C3: variants seen among roughly 807,000 people sequenced by gnomAD.
The protein encoded by C3 is complement C3, also known as C3 and PZP-like alpha-2-macroglobulin domain-containing protein 1.
A neutral mutation model predicts 207.9 loss-of-function variants in C3; 97 were observed. The ratio of observed to expected loss-of-function variants is 0.47; its 90% CI spans 0.40 to 0.55. C3 has a LOEUF of 0.55. C3 is among the 20% of genes least tolerant of loss of function. The pLI, the probability that C3 is intolerant of heterozygous loss-of-function variation, is 0.00. For synonymous variants in C3, 848 were observed against 857.6 expected, an observed-to-expected ratio of 0.99 and a Z score of 0.20; for missense variants, 1,684 against 2,171.7, an observed-to-expected ratio of 0.78 and a Z score of 4.46.
chr19:6,680,423 C>T (rs1311556707), intron 35 of C3, among the ~76,000 whole-genome samples, 160 bp from the exon 36 acceptor site: 1 of 152,200 alleles, frequency 6.6e-6, no homozygotes, highest in East Asian at 1.9e-4. Flanking sequence ...TTCCTAGACT[C>T]ACAGTGAGAC....
chr19:6,679,167 C>T lies in C3; in HGVS notation c.4588G>A (p.Glu1530Lys). 6.2e-7 allele frequency: 1 copy of T among 1,614,220 alleles called. No homozygotes were observed. The highest frequency in any genetic ancestry group is 1.6e-4 in the Middle Eastern group (1 of 6,062). ...TCACAGGCCTTGTCCAGCCGTTCTTCCAGGGTGACCTTGTCATCCGACTTT... is the reference window on the plus strand; with the variant it reads ...TCACAGGCCTTGTCCAGCCGTTCTTTCAGGGTGACCTTGTCATCCGACTTT... ...IQKSDDKVTLEERLDKACEPG... is the reference protein window; with the variant it reads ...IQKSDDKVTLKERLDKACEPG... Residue 1530 changes from glutamate (E) to lysine (K), a missense_variant, in exon 38 of 41, where the codon GAA becomes AAA. Physicochemically the swap from Glu to Lys is moderately conservative, Grantham distance 56. Transcript: ENST00000245907.
At chr19:6,682,433 G>A (rs1479683780) in intron 33 of C3, 1 of 577,098 alleles carries the variant, frequency 1.7e-6, no homozygotes, top group Non-Finnish European at 3.1e-6. Context: ...TAAGAGCTCA[G>A]ACTCTGCACC....
rs747043466 is a variant in C3, at chr19:6,685,003, G to T, written c.3954C>A (p.Leu1318=). ...GTGACTGTACCTCTTCTGATCGCAGGAGGCTGGCAGATTCCCAGTGGATAC... is the reference window on the plus strand; with the variant it reads ...GTGACTGTACCTCTTCTGATCGCAGTAGGCTGGCAGATTCCCAGTGGATAC... The part of the protein sequence containing the change: ...THRIHWESAS[L]LRSEETKENE... The change falls in exon 30 of 41, where the codon CTC becomes CTA. Residue 1318 remains leucine (L), a synonymous_variant. Transcript: ENST00000245907. The T allele has an allele frequency of 1.9e-6, 3 of 1,613,836 alleles. No homozygotes were observed. The East Asian group carries it at 6.7e-5, about 36-fold the overall frequency.
intron 17 of C3, 21 bp from the exon 18 acceptor site, chr19:6,702,600 C>A (rs767770126): frequency 1.3e-6 from 2 of 1,527,734 alleles, no homozygotes; most frequent in Non-Finnish European, 1.8e-6. Flanking sequence ...TTTAGATCTG[C>A]ATTTAGAACA....
At chr19:6,700,544 GTAATATATA>G (rs1967639461) in intron 19 of C3, among the ~76,000 whole-genome samples, 1 of 33,196 alleles carries the variant, frequency 3.0e-5, no homozygotes. Context: ...TATTATATAT[GTAATATATA>G]ATATATGTAA....
chr19:6,692,236 G>A (rs1918187517), intron 26 of C3, among the ~76,000 whole-genome samples: 1 of 152,230 alleles, frequency 6.6e-6, no homozygotes, highest in Admixed American at 6.5e-5. Flanking sequence ...CCAAAGCGCT[G>A]GGATTACAGG....
At chr19:6,707,337 G>C (rs1967803116) in intron 16 of C3, 64 bp from the exon 17 acceptor site, 1 of 1,598,922 alleles carries the variant, frequency 6.3e-7, no homozygotes, top group Admixed American at 1.7e-5. Flanking sequence ...GGAGGGACGC[G>C]GGACGGACCC....
intron 26 of C3, among the ~76,000 whole-genome samples, chr19:6,692,030 ACACACT>A: frequency 6.8e-6 from 1 of 147,464 alleles, no homozygotes; most frequent in Non-Finnish European, 1.5e-5. Context: ...ACACACACAC[ACACACT>A]CACACCCCTC....
chr19:6,689,328 C>CCTATCTCTCTCTCTCTCTCTCTCTCTCT (rs1918098314), intron 27 of C3, among the ~76,000 whole-genome samples: 2 of 53,268 alleles, frequency 3.8e-5, no homozygotes, highest in African/African-American at 2.0e-4. Context: ...TCTCTACCTA[C>CCTATCTCTCTCTCTCTCTCTCTCTCTCT]CTCCCTCCCT....
chr19:6,701,026 A>G (rs1482016226), intron 19 of C3, among the ~76,000 whole-genome samples: 4 of 151,954 alleles, frequency 2.6e-5, no homozygotes, highest in African/African-American at 4.8e-5. Flanking sequence ...GGAAATGAGC[A>G]GGCAGGGGAG....
At chr19:6,686,438 T>G in intron 28 of C3, 151 bp from the exon 29 acceptor site, 1 of 820,576 alleles carries the variant, frequency 1.2e-6, no homozygotes, top group Non-Finnish European at 2.1e-6. Context: ...GGCTCCTGCC[T>G]TACCTCTCTT....
rs777404805 is a variant in C3 at position 6,686,251 on chromosome 19, T to C, written c.3683A>G (p.Tyr1228Cys). ...NRWEDPGKQL[Y>C]NVEATSYALL... ...GGCATAGGATGTGGCCTCCACGTTG[T>C]AGAGCTGCTTACCAGGGTCCTCCCA... Residue 1228 changes from tyrosine to cysteine, a missense_variant, in exon 29 of 41, where the codon TAC becomes TGC. Transcript: ENST00000245907. 6.2e-7 allele frequency: 1 copy of C among 1,614,180 alleles called. No individual in the cohort carries two copies. The highest frequency in any genetic ancestry group is 8.5e-7 in the Non-Finnish European group (1 of 1,180,052).
chr19:6,681,185 GT>G (rs943096835), intron 35 of C3, among the ~76,000 whole-genome samples: 2 of 151,316 alleles, frequency 1.3e-5, no homozygotes, highest in South Asian at 2.1e-4. Flanking sequence ...GAGCTCAGGA[GT>G]TTAAGACCAG....
intron 23 of C3, among the ~76,000 whole-genome samples, chr19:6,695,570 C>G (rs1399160359): frequency 1.3e-5 from 2 of 152,052 alleles, no homozygotes; most frequent in Non-Finnish European, 2.9e-5. Flanking sequence ...ACCTACGCCT[C>G]CCACGTTCAA....
chr19:6,693,609 A>G, intron 24 of C3, 122 bp from the exon 25 acceptor site: 1 of 807,432 alleles, frequency 1.2e-6, no homozygotes, highest in Non-Finnish European at 2.1e-6. Flanking sequence ...GGGTTCTGGG[A>G]GGAGGGGACC....
chr19:6,709,941 TG>T (rs1367664164), intron 13 of C3, 99 bp from the exon 14 acceptor site: 1 of 808,668 alleles, frequency 1.2e-6, no homozygotes, highest in Non-Finnish European at 1.6e-6. Context: ...ACAGAAAGGT[TG>T]GGGGGAGCCG....
chr19:6,720,317 T>C (rs1306380027), intron 1 of C3, among the ~76,000 whole-genome samples, 199 bp downstream of exon 1: 3 of 152,086 alleles, frequency 2.0e-5, no homozygotes, highest in Non-Finnish European at 4.4e-5. Context: ...AATTCCATGA[T>C]ACCTGGATTC....
intron 29 of C3, among the ~76,000 whole-genome samples, chr19:6,685,669 T>C (rs552022401): frequency 1.3e-5 from 2 of 152,238 alleles, no homozygotes; most frequent in South Asian, 2.1e-4. Flanking sequence ...AACCATGGCC[T>C]AGAAGAGGGT....
intron 26 of C3, among the ~76,000 whole-genome samples, chr19:6,692,535 A>G (rs2145406305): frequency 6.6e-6 from 1 of 152,118 alleles, no homozygotes; most frequent in East Asian, 1.9e-4. Flanking sequence ...AGGGGCGGGG[A>G]GAGTGTTGCT....
Sources: gnomAD v4.1 joint callset for allele counts (sites outside exome capture counted in the v4.1 genomes callset) on GRCh38, gnomAD v4.1.1 for gene constraint, MANE v1.5 for transcripts, NCBI Gene and HGNC (gene_info 2026-07-23, HGNC 2026-07-21) for gene names.